CEP112: variants seen among roughly 807,000 people sequenced by gnomAD.
CEP112 encodes centrosomal protein of 112 kDa.
CEP112 carries 127 observed loss-of-function variants against 153.0 expected under a neutral mutation model. The observed-to-expected ratio is 0.83, with a 90% CI of 0.72 to 0.96. The LOEUF is 0.96. Among genes scored for constraint, CEP112 ranks in the 40% least tolerant of loss-of-function variants. The pLI, the probability that CEP112 is intolerant of heterozygous loss-of-function variation, is 0.00. For missense variants in CEP112, 1,089 were observed against 1,101.2 expected (o/e 0.99, Z 0.16); for synonymous variants, 358 against 374.4 (o/e 0.96, Z 0.51).
chr17:65,799,545 G>A (rs1192574116), intron 21 of CEP112, among the ~76,000 whole-genome samples: 7 of 152,188 alleles, frequency 4.6e-5, no homozygotes, highest in South Asian at 2.1e-4. Flanking sequence ...TTGGGAAGAT[G>A]AATCCTCTGG....
intron 19 of CEP112, among the ~76,000 whole-genome samples, chr17:65,921,934 A>G (rs2060745280): frequency 6.6e-6 from 1 of 152,138 alleles, no homozygotes; most frequent in African/African-American, 2.4e-5. Context: ...AATGTGGATA[A>G]TAGGGGGTAT....
intron 23 of CEP112, among the ~76,000 whole-genome samples, chr17:65,726,964 G>A (rs935565545): frequency 6.6e-6 from 1 of 152,192 alleles, no homozygotes; most frequent in African/African-American, 2.4e-5. Context: ...ATCCTGCAAA[G>A]ATATTGTATA....
chr17:66,063,551 C>A (rs1164345559), intron 10 of CEP112, among the ~76,000 whole-genome samples: 5 of 152,120 alleles, frequency 3.3e-5, no homozygotes, highest in Admixed American at 3.3e-4. Context: ...ATACAATGTA[C>A]ATTACTTGGG....
chr17:66,089,744 C>T (rs2068067411), intron 8 of CEP112, among the ~76,000 whole-genome samples: 1 of 151,972 alleles, frequency 6.6e-6, no homozygotes, highest in Non-Finnish European at 1.5e-5. Flanking sequence ...AAAAGAGAGA[C>T]AAAGGTGTAG....
At chr17:66,166,615 C>T (rs1436632572) in intron 4 of CEP112, among the ~76,000 whole-genome samples, 1 of 151,934 alleles carries the variant, frequency 6.6e-6, no homozygotes, top group Non-Finnish European at 1.5e-5. Context: ...TATTAGTTAC[C>T]AGCCGAGCAC....
intron 4 of CEP112, among the ~76,000 whole-genome samples, chr17:66,160,670 T>A (rs1012197977): frequency 6.6e-6 from 1 of 152,014 alleles, no homozygotes; most frequent in South Asian, 2.1e-4. Flanking sequence ...CTTCCTTACA[T>A]CTTATACAAA....
chr17:65,815,965 C>T (rs2056240282), intron 21 of CEP112, among the ~76,000 whole-genome samples: 1 of 151,874 alleles, frequency 6.6e-6, no homozygotes, highest in Non-Finnish European at 1.5e-5. Context: ...ATTTGTATGC[C>T]TTTTATTTCT....
chr17:66,027,699 C>T lies in CEP112; in HGVS notation c.1597-139G>A, dbSNP rs952846646. 5 of 597,684 alleles carry T rather than the reference C, an allele frequency of 8.4e-6. No individual in the cohort carries two copies. In the African/African-American group the frequency reaches 9.8e-5, roughly 12 times the overall value. The allele number at this position is 597,684 out of a possible 1,614,324, so 37.0% of individuals were successfully genotyped here. On this transcript the variant is annotated intron_variant, in intron 15 of 26. Transcript: ENST00000535342. ...TTTGCATATGATTAAGTAAGCCCTACAGGTAGAAATTGGAGTAGCTTTGTA... is the reference window on the plus strand; with the variant it reads ...TTTGCATATGATTAAGTAAGCCCTATAGGTAGAAATTGGAGTAGCTTTGTA...
intron 24 of CEP112, among the ~76,000 whole-genome samples, chr17:65,659,572 G>C (rs1283082962): frequency 6.6e-6 from 1 of 152,154 alleles, no homozygotes; most frequent in Non-Finnish European, 1.5e-5. Context: ...CCAGCTAAAG[G>C]GAACTGAGAC....
At position 66,116,936 on chromosome 17, in the gene CEP112, G is replaced by A. The variant is rs545941732; in HGVS notation, c.642+12810C>T. Among the ~76,000 whole-genome samples the A allele has an allele frequency of 1.1e-4, 16 of 145,586 alleles. 1 individual carries two copies. The South Asian group carries it at 3.3e-3, about 30-fold the overall frequency. Reference sequence around the variant, plus strand: ...GGCTGGGAAACAGTGGTGCGATCTCGGCTCACTGCAACCTCCGCCTCCTGG... The same window carrying A: ...GGCTGGGAAACAGTGGTGCGATCTCAGCTCACTGCAACCTCCGCCTCCTGG... On this transcript the variant is annotated intron_variant, in intron 6 of 26. Transcript: ENST00000535342.
intron 21 of CEP112, among the ~76,000 whole-genome samples, chr17:65,821,076 T>C (rs12950499): frequency 6.7e-6 from 1 of 149,534 alleles, no homozygotes; most frequent in South Asian, 2.1e-4. Flanking sequence ...ACTTAAAATG[T>C]AGCCCTTTTT....
intron 18 of CEP112, among the ~76,000 whole-genome samples, chr17:65,950,226 C>A (rs2061777580): frequency 6.6e-6 from 1 of 151,962 alleles, no homozygotes; most frequent in African/African-American, 2.4e-5. Flanking sequence ...TTAAACTTTA[C>A]TAGTGAAAAT....
rs535817907 is a variant in CEP112 at position 65,648,035 on chromosome 17, A to C, written c.2698-6970T>G. 3.9e-5 allele frequency among the ~76,000 whole-genome samples: 6 copies of C among 152,228 alleles called. No homozygotes were observed. In the East Asian group the frequency reaches 1.2e-3, roughly 29 times the overall value. Reference sequence around the variant, plus strand: ...TACATGTATTTTATTATTATATTTGAATATTAAATTCATTAGCATAAAGTG... The same window carrying C: ...TACATGTATTTTATTATTATATTTGCATATTAAATTCATTAGCATAAAGTG... On this transcript the variant is annotated intron_variant, in intron 24 of 26. Transcript: ENST00000535342.
At chr17:65,973,776 G>C (rs1244081740) in intron 17 of CEP112, among the ~76,000 whole-genome samples, 1 of 152,304 alleles carries the variant, frequency 6.6e-6, no homozygotes, top group Middle Eastern at 3.4e-3. Context: ...GAGAACAAGA[G>C]AACGTTTGGG....
At chr17:65,646,304 G>A (rs977587539) in intron 24 of CEP112, among the ~76,000 whole-genome samples, 3 of 152,132 alleles carry the variant, frequency 2.0e-5, no homozygotes, top group African/African-American at 4.8e-5. Flanking sequence ...GAGTTTGAAT[G>A]AATTTAAAAT....
At chr17:65,845,095 G>A (rs2057679006) in intron 21 of CEP112, among the ~76,000 whole-genome samples, 1 of 152,156 alleles carries the variant, frequency 6.6e-6, no homozygotes, top group South Asian at 2.1e-4. Context: ...CAAGGCGAGT[G>A]GATCACTTGA....
chr17:65,707,689 C>A (rs2048985336), intron 23 of CEP112, among the ~76,000 whole-genome samples: 1 of 152,146 alleles, frequency 6.6e-6, no homozygotes, highest in South Asian at 2.1e-4. Flanking sequence ...ATTAAAGTTT[C>A]TTGTCAGGAA....
chr17:66,150,481 TC>T (rs1179771695), intron 4 of CEP112, among the ~76,000 whole-genome samples: 1 of 152,212 alleles, frequency 6.6e-6, no homozygotes, highest in Non-Finnish European at 1.5e-5. Flanking sequence ...TCTGCCTGCC[TC>T]ATCCTCCCAA....
chr17:65,752,014 TCATCCATC>T (rs150841318), intron 21 of CEP112, among the ~76,000 whole-genome samples: 3,510 of 81,004 alleles, frequency 0.043, 61 homozygotes, highest in African/African-American at 0.066. Context: ...ACTGTTCCTT[TCATCCATC>T]CATCCATCCA....
Sources: gnomAD v4.1 joint callset for allele counts (sites outside exome capture counted in the v4.1 genomes callset) on GRCh38, gnomAD v4.1.1 for gene constraint, MANE v1.5 for transcripts, NCBI Gene and HGNC (gene_info 2026-07-23, HGNC 2026-07-21) for gene names.